Variants in DPY19L3 observed in about 807,000 individuals in gnomAD.
DPY19L3 encodes dpy-19 like C-mannosyltransferase 3.
In DPY19L3, 51 loss-of-function variants were observed where a neutral mutation model predicts 92.3. That is an observed-to-expected ratio of 0.55 (90% CI 0.44 to 0.70). The LOEUF (loss-of-function observed/expected upper bound fraction) is 0.70, where lower values mean the gene tolerates loss of function less well. DPY19L3 is among the 30% of genes least tolerant of loss of function. The pLI is 0.00. For synonymous variants in DPY19L3, 309 were observed against 315.2 expected, an observed-to-expected ratio of 0.98 and a Z score of 0.21; for missense variants, 706 against 855.9, an observed-to-expected ratio of 0.82 and a Z score of 2.18.
In DPY19L3 at chr19:32,484,018, T is replaced by C. The variant is rs1970738686; in HGVS notation, c.*1778T>C. 6.6e-6 allele frequency: 1 copy of C among 152,620 alleles called. No individual in the cohort carries two copies. Among genetic ancestry groups the C allele is most frequent in the Admixed American group, 6.5e-5 (1 of 15,278 alleles). 9.5% of individuals were successfully genotyped at this position (152,620 alleles called of 1,614,324 possible). The stretch of plus-strand genomic sequence containing the variant: ...CTATATTTAAATTTATTTTAAATAT[T>C]CCTGTATGTATTCATCTAAGCATTT... On this transcript the variant is annotated 3_prime_UTR_variant, in exon 19 of 19. Transcript: ENST00000392250.
In DPY19L3 at chr19:32,447,630, C is replaced by G. The variant is rs150180776; in HGVS notation, c.856-5515C>G. Among the ~76,000 whole-genome samples the G allele has an allele frequency of 3.3e-3, 507 of 152,082 alleles. 2 individuals are homozygous for G. Among genetic ancestry groups the G allele is most frequent in the Middle Eastern group, 6.8e-3 (2 of 294 alleles). On this transcript the variant is annotated intron_variant, in intron 8 of 18. Transcript: ENST00000392250. The stretch of plus-strand genomic sequence containing the variant: ...TACTTGGGAGGCTGAGCAGGAGAAT[C>G]ACTTGAATCCAGTAGGCGAAGGTTG...
intron 10 of DPY19L3, among the ~76,000 whole-genome samples, 154 bp from the exon 11 acceptor site, chr19:32,457,946 C>G (rs1014951205): frequency 6.6e-6 from 1 of 152,090 alleles, no homozygotes; most frequent in Non-Finnish European, 1.5e-5. Context: ...TTTGGAATTC[C>G]TCAGTTCTGA....
intron 6 of DPY19L3, among the ~76,000 whole-genome samples, chr19:32,438,091 T>TGCTTATAATACTTATAATACTGCTTATA (rs1969203763): frequency 6.6e-6 from 1 of 152,218 alleles, no homozygotes; most frequent in African/African-American, 2.4e-5. Flanking sequence ...TATCTACTAT[T>TGCTTATAATACTTATAATACTGCTTATA]ATAAGCAGTA....
At chr19:32,455,131 A>T (rs1331701846) in intron 10 of DPY19L3, 91 bp downstream of exon 10, 5 of 909,358 alleles carry the variant, frequency 5.5e-6, no homozygotes, top group Non-Finnish European at 8.0e-6. Flanking sequence ...CTTTTTTAAT[A>T]AACTAATTGT....
At position 32,450,786 on chromosome 19, in the gene DPY19L3, G is replaced by GT. The variant is rs1461495825; in HGVS notation, c.856-2358dup. On this transcript the variant is annotated intron_variant, in intron 8 of 18. Transcript: ENST00000392250. ...GAGAATGTCATAAAATTAGACTGAG[G>GT]TGAGAGTTGCACAACTCTATGAATA... 2.0e-5 allele frequency among the ~76,000 whole-genome samples: 3 copies of GT among 152,092 alleles called. 1 individual carries two copies. The highest frequency in any genetic ancestry group is 4.4e-5 in the Non-Finnish European group (3 of 68,008).
intron 3 of DPY19L3, among the ~76,000 whole-genome samples, chr19:32,420,352 C>T (rs189906111): frequency 2.0e-5 from 3 of 152,202 alleles, no homozygotes; most frequent in Middle Eastern, 3.4e-3. Context: ...ACATGACTTC[C>T]GGAGCTTGCC....
chr19:32,422,424 G>A (rs940616703), intron 3 of DPY19L3, among the ~76,000 whole-genome samples: 2 of 152,236 alleles, frequency 1.3e-5, no homozygotes, highest in South Asian at 2.1e-4. Context: ...AATTATGACC[G>A]TCTCAGATGC....
intron 16 of DPY19L3, among the ~76,000 whole-genome samples, chr19:32,474,411 A>C (rs1002755403): frequency 6.6e-6 from 1 of 152,014 alleles, no homozygotes; most frequent in African/African-American, 2.4e-5. Flanking sequence ...GGGGCCGGGG[A>C]TGGGAGCCAC....
intron 5 of DPY19L3, 151 bp from the exon 6 acceptor site, chr19:32,437,043 A>G: frequency 1.2e-6 from 1 of 850,928 alleles, no homozygotes; most frequent in Non-Finnish European, 1.7e-6. Flanking sequence ...GGCTACCCGA[A>G]CGCTTCTCTA....
At chr19:32,435,105 TTGTAGATGCCCTTTTGTTGCTG>T (rs1251452950) in intron 4 of DPY19L3, among the ~76,000 whole-genome samples, 1 of 152,208 alleles carries the variant, frequency 6.6e-6, no homozygotes, top group Non-Finnish European at 1.5e-5. Flanking sequence ...CTTCCTGGCT[TTGTAGATGCCCTTTTGTTGCTG>T]TGTCCTCACA....
Position 32,484,522 on chromosome 19 carries a change from C to G in DPY19L3, c.*2282C>G, listed in dbSNP as rs1225091814. 3 of 152,060 alleles carry G rather than the reference C, an allele frequency of 2.0e-5. No individual in the cohort carries two copies. Among genetic ancestry groups the G allele is most frequent in the Non-Finnish European group, 4.4e-5 (3 of 68,020 alleles). 9.4% of individuals were successfully genotyped at this position (152,060 alleles called of 1,614,324 possible). On this transcript the variant is annotated 3_prime_UTR_variant, in exon 19 of 19. Coordinates refer to ENST00000392250, the MANE Select transcript of DPY19L3 (RefSeq NM_001172774.2). ...CTCTGTTTTCTATTGACAGAAAACC[C>G]ACTTGATTTTGCTTCTGAGTTAGCA...
chr19:32,476,722 G>T (rs1464309932), intron 16 of DPY19L3, among the ~76,000 whole-genome samples: 1 of 152,112 alleles, frequency 6.6e-6, no homozygotes, highest in Admixed American at 6.6e-5. Flanking sequence ...TTGTGCCTTA[G>T]TATTAGGGTG....
chr19:32,431,770 A>T (rs1968977585), intron 3 of DPY19L3, among the ~76,000 whole-genome samples: 1 of 152,212 alleles, frequency 6.6e-6, no homozygotes, highest in Admixed American at 6.5e-5. Flanking sequence ...TATCTCAACC[A>T]TCCCAGTGGA....
At chr19:32,480,742 C>T (rs971857510) in intron 18 of DPY19L3, 185 bp downstream of exon 18, 53 of 817,276 alleles carry the variant, frequency 6.5e-5, no homozygotes, top group Non-Finnish European at 8.4e-5. Context: ...GCCACCGGGG[C>T]TGGGCAAGGG....
At chr19:32,443,599 G>A (rs941754493) in intron 8 of DPY19L3, among the ~76,000 whole-genome samples, 20 of 152,078 alleles carry the variant, frequency 1.3e-4, no homozygotes, top group African/African-American at 2.7e-4. Flanking sequence ...GCCAGCCTCC[G>A]GAACTATGAG....
At chr19:32,447,791 T>G (rs537970681) in intron 8 of DPY19L3, among the ~76,000 whole-genome samples, 8 of 132,436 alleles carry the variant, frequency 6.0e-5, no homozygotes, top group Non-Finnish European at 1.3e-4. Context: ...GATAAGATAC[T>G]CCATCTCATT....
intron 3 of DPY19L3, among the ~76,000 whole-genome samples, chr19:32,431,360 G>A (rs1485721365): frequency 1.4e-5 from 2 of 143,702 alleles, no homozygotes; most frequent in Admixed American, 1.4e-4. Context: ...CCTGGGCAAC[G>A]AGTGAAACTC....
intron 8 of DPY19L3, among the ~76,000 whole-genome samples, chr19:32,448,286 GTTA>G (rs1390008941): frequency 3.9e-5 from 6 of 152,128 alleles, no homozygotes; most frequent in Admixed American, 3.3e-4. Context: ...ATTAACTGTG[GTTA>G]TTATGAATGG....
intron 4 of DPY19L3, among the ~76,000 whole-genome samples, chr19:32,434,146 T>C (rs528073985): frequency 1.3e-5 from 2 of 152,204 alleles, no homozygotes; most frequent in African/African-American, 4.8e-5. Flanking sequence ...AATGTACTTA[T>C]AACCCTAAAA....
Sources: allele counts gnomAD v4.1 joint callset (sites outside exome capture counted in the v4.1 genomes callset), GRCh38; gene constraint gnomAD v4.1.1; transcripts MANE v1.5; gene names NCBI Gene and HGNC (gene_info 2026-07-23, HGNC 2026-07-21).